CSRP3: variants seen among roughly 807,000 people sequenced by gnomAD.
CSRP3 encodes the protein cysteine and glycine rich protein 3.
In CSRP3, 24 loss-of-function variants were observed where a neutral mutation model predicts 24.3. The ratio of observed to expected loss-of-function variants is 0.99; its 90% CI spans 0.71 to 1.39. The LOEUF (loss-of-function observed/expected upper bound fraction) is 1.39, where lower values mean the gene tolerates loss of function less well. CSRP3 is among the 40% of genes most tolerant of loss of function. The pLI is 0.00. For synonymous variants in CSRP3, 105 were observed against 94.0 expected, an observed-to-expected ratio of 1.12 and a Z score of -0.68; for missense variants, 240 against 249.0, an observed-to-expected ratio of 0.96 and a Z score of 0.24.
chr11:19,198,340 A>T (rs1850776936), intron 1 of CSRP3, among the ~76,000 whole-genome samples: 1 of 152,226 alleles, frequency 6.6e-6, no homozygotes, highest in Non-Finnish European at 1.5e-5. Context: ...TTCCCAGTTG[A>T]TGGGAATTGA....
At chr11:19,186,450 A>G (rs1850528398) in intron 3 of CSRP3, 102 bp from the exon 4 acceptor site, 10 of 1,407,396 alleles carry the variant, frequency 7.1e-6, no homozygotes, top group Non-Finnish European at 1.0e-5. Flanking sequence ...TGTGTCTCAG[A>G]CTCCTCATCT....
intron 2 of CSRP3, among the ~76,000 whole-genome samples, chr11:19,190,599 C>T (rs188543560): frequency 6.6e-6 from 1 of 152,320 alleles, no homozygotes; most frequent in East Asian, 1.9e-4. Flanking sequence ...GGACAGCAAA[C>T]TTACTTTCTA....
At position 19,192,546 on chromosome 11, in the gene CSRP3, G is replaced by T. The variant is rs1043397766; in HGVS notation, c.-28-70C>A. The T allele has an allele frequency of 8.5e-6, 8 of 944,970 alleles. No homozygotes were observed. The African/African-American group carries it at 1.3e-4, about 15-fold the overall frequency. The allele number at this position is 944,970 out of a possible 1,614,324, so 58.5% of individuals were successfully genotyped here. A position where few individuals can be genotyped will look rare whatever the true frequency, so the allele number is the denominator to read the frequency against. ...GAGTGAACCAATCTCTAAGAGTGCAGTGGTCTGAAGACCAGGATCCAGCCC... is the reference window on the plus strand; with the variant it reads ...GAGTGAACCAATCTCTAAGAGTGCATTGGTCTGAAGACCAGGATCCAGCCC... On this transcript the variant is annotated intron_variant, in intron 1 of 5. Coordinates refer to ENST00000265968, the MANE Select transcript of CSRP3 (RefSeq NM_003476.5).
intron 1 of CSRP3, among the ~76,000 whole-genome samples, chr11:19,195,486 T>C (rs912727427): frequency 6.6e-6 from 1 of 152,174 alleles, no homozygotes; most frequent in Non-Finnish European, 1.5e-5. Flanking sequence ...AGTTTCAGCA[T>C]GATACAAAAT....
At chr11:19,191,205 C>T (rs1266948800) in intron 2 of CSRP3, among the ~76,000 whole-genome samples, 1 of 152,198 alleles carries the variant, frequency 6.6e-6, no homozygotes, top group African/African-American at 2.4e-5. Context: ...AGAGCCCAGA[C>T]TCAAACCCGA....
At chr11:19,188,657 G>A (rs1187811190) in intron 2 of CSRP3, among the ~76,000 whole-genome samples, 1 of 133,410 alleles carries the variant, frequency 7.5e-6, no homozygotes, top group Non-Finnish European at 1.7e-5. Context: ...TGTGTTTGTG[G>A]GCGCGCGCGT....
chr11:19,188,349 C>G (rs776237004), intron 2 of CSRP3, 45 bp from the exon 3 acceptor site: 23 of 1,603,484 alleles, frequency 1.4e-5, no homozygotes, highest in Non-Finnish European at 2.0e-5. Flanking sequence ...TGAAATCCTT[C>G]TCCCCTTCTT....
At chr11:19,191,426 T>C (rs1332202354) in intron 2 of CSRP3, among the ~76,000 whole-genome samples, 1 of 152,006 alleles carries the variant, frequency 6.6e-6, no homozygotes, top group Non-Finnish European at 1.5e-5. Context: ...TCGCCAAATA[T>C]CCAGCAGAGC....
At chr11:19,194,522 C>A (rs549010953) in intron 1 of CSRP3, among the ~76,000 whole-genome samples, 124 of 152,090 alleles carry the variant, frequency 8.2e-4, no homozygotes, top group Non-Finnish European at 1.5e-3. Context: ...ACCCCACCCC[C>A]CAAAAAATTA....
intron 5 of CSRP3, among the ~76,000 whole-genome samples, chr11:19,182,982 C>T (rs1374491165): frequency 3.3e-5 from 5 of 152,064 alleles, no homozygotes; most frequent in African/African-American, 9.7e-5. Flanking sequence ...CATAGAGAAA[C>T]CCTGTCTCTA....
In CSRP3 at chr11:19,192,427, C is replaced by T. The variant is rs45531937; in HGVS notation, c.22G>A (p.Ala8Thr). The T allele has an allele frequency of 1.7e-5, 27 of 1,613,964 alleles. No individual in the cohort carries two copies. The highest frequency in any genetic ancestry group is 8.0e-5 in the African/African-American group (6 of 74,912). MPNWGGG[A>T]KCGACEKTVY... is the part of the protein sequence containing the mutation. ...GTCTTTTCACAGGCTCCACATTTTG[C>T]GCCTCCGCCCCAGTTTGGCATCTTG... Residue 8 changes from alanine (A) to threonine (T), a missense_variant, in exon 2 of 6, where the codon GCA becomes ACA. Physicochemically the swap from Ala to Thr is moderately conservative, Grantham distance 58. Coordinates refer to ENST00000265968, the MANE Select transcript of CSRP3 (RefSeq NM_003476.5).
intron 2 of CSRP3, among the ~76,000 whole-genome samples, chr11:19,189,411 T>G (rs1850581704): frequency 6.6e-6 from 1 of 152,194 alleles, no homozygotes; most frequent in Non-Finnish European, 1.5e-5. Context: ...CAACAATGAT[T>G]CTTAAAGGTT....
Position 19,186,495 on chromosome 11 carries a change from G to A in CSRP3, c.282-147C>T, listed in dbSNP as rs45560438. On this transcript the variant is annotated intron_variant, in intron 3 of 5. Coordinates refer to ENST00000265968, the MANE Select transcript of CSRP3 (RefSeq NM_003476.5). The stretch of plus-strand genomic sequence containing the variant: ...GGATAATGATGGTGTCTTTCTCATA[G>A]CGTTGTTGAGAGGGTTAAATGAGGC... The A allele has an allele frequency of 0.022, 23,541 of 1,093,304 alleles. 2,183 individuals are homozygous for A. In the Admixed American group the frequency reaches 0.24, roughly 11 times the overall value. The allele number at this position is 1,093,304 out of a possible 1,614,324, so 67.7% of individuals were successfully genotyped here.
intron 1 of CSRP3, chr11:19,196,782 C>T (rs1850719077): frequency 2.0e-5 from 3 of 152,178 alleles, no homozygotes; most frequent in Admixed American, 2.0e-4. Flanking sequence ...CCTGAGATGA[C>T]TATGTTGTCA....
intron 5 of CSRP3, 32 bp downstream of exon 5, chr11:19,184,919 AC>A: frequency 6.6e-7 from 1 of 1,523,094 alleles, no homozygotes; most frequent in Non-Finnish European, 9.1e-7. Flanking sequence ...TTTAGGGAAA[AC>A]ATATTTCAAG....
chr11:19,187,260 C>T (rs1301641546), intron 3 of CSRP3, among the ~76,000 whole-genome samples: 1 of 152,222 alleles, frequency 6.6e-6, no homozygotes, highest in Non-Finnish European at 1.5e-5. Context: ...TCTAAGATGA[C>T]TAATCACACA....
rs45552933 is a variant in CSRP3, at chr11:19,188,203, C to T, written c.214G>A (p.Gly72Arg). 2.7e-5 allele frequency: 44 copies of T among 1,613,778 alleles called. No homozygotes were observed. Among genetic ancestry groups the T allele is most frequent in the Non-Finnish European group, 3.4e-5 (40 of 1,180,032 alleles). Residue 72 changes from glycine (G) to arginine (R), a missense_variant, in exon 3 of 6, where the codon GGG becomes AGG. Coordinates refer to ENST00000265968, the MANE Select transcript of CSRP3 (RefSeq NM_003476.5). The part of the protein sequence containing the change: ...YGRRYGPKGI[G>R]YGQGAGCLST... Reference sequence around the variant, plus strand: ...AGACAGCCAGCGCCTTGTCCATACCCGATCCCTTTGGGGCCATATCTGCGC... The same window carrying T: ...AGACAGCCAGCGCCTTGTCCATACCTGATCCCTTTGGGGCCATATCTGCGC...
At chr11:19,188,430 G>T (rs1850565188) in intron 2 of CSRP3, 126 bp from the exon 3 acceptor site, 5 of 889,578 alleles carry the variant, frequency 5.6e-6, no homozygotes, top group Non-Finnish European at 8.9e-6. Flanking sequence ...ATACAATGTT[G>T]ATTCCTGACC....
chr11:19,183,883 C>T (rs567457390), intron 5 of CSRP3, among the ~76,000 whole-genome samples: 4 of 152,234 alleles, frequency 2.6e-5, no homozygotes, highest in East Asian at 1.9e-4. Flanking sequence ...AATCACTGGG[C>T]GTGCTGTTCT....
Sources: allele counts gnomAD v4.1 joint callset (sites outside exome capture counted in the v4.1 genomes callset), GRCh38; gene constraint gnomAD v4.1.1; transcripts MANE v1.5; gene names NCBI Gene and HGNC (gene_info 2026-07-23, HGNC 2026-07-21).